IQSEC3: variants seen among roughly 807,000 people sequenced by gnomAD.
IQSEC3 encodes the protein IQ motif and SEC7 domain-containing protein 3.
A neutral mutation model predicts 105.4 loss-of-function variants in IQSEC3; 50 were observed. The ratio of observed to expected loss-of-function variants is 0.47; its 90% CI spans 0.38 to 0.60. IQSEC3 has a LOEUF of 0.60. Among genes scored for constraint, IQSEC3 ranks in the 20% least tolerant of loss-of-function variants. The probability of loss-of-function intolerance (pLI) is 0.00; values close to 1 mark genes in which losing one functional copy is unlikely to be tolerated. For missense variants in IQSEC3, 1,415 were observed against 1,630.0 expected (o/e 0.87, Z 2.27); for synonymous variants, 708 against 746.0 (o/e 0.95, Z 0.83).
intron 1 of IQSEC3, among the ~76,000 whole-genome samples, chr12:89,003 G>C (rs1171487897): frequency 6.6e-5 from 10 of 152,158 alleles, no homozygotes. Flanking sequence ...CCACAGTTCA[G>C]TAAAATAAAT....
chr12:130,609 A>T (rs1046141333), intron 3 of IQSEC3, among the ~76,000 whole-genome samples: 3 of 152,166 alleles, frequency 2.0e-5, no homozygotes, highest in Non-Finnish European at 4.4e-5. Flanking sequence ...GGAGGGTCTC[A>T]TGACCTCACT....
At chr12:173,819 G>C (rs1343863082) in intron 13 of IQSEC3, among the ~76,000 whole-genome samples, 1 of 152,168 alleles carries the variant, frequency 6.6e-6, no homozygotes, top group Admixed American at 6.5e-5. Flanking sequence ...GGGAGGCCAG[G>C]CTAGTCCATA....
Position 138,386 on chromosome 12 carries a change from G to T in IQSEC3, c.1023G>T (p.Ser341=). The T allele has an allele frequency of 6.2e-7, 1 of 1,611,392 alleles. No homozygotes were observed. The change falls in exon 4 of 14, where the codon TCG becomes TCT. Residue 341 remains serine, a synonymous_variant. Transcript: ENST00000538872. The surrounding 1 kb of genome is among the most constrained non-coding windows in gnomAD (Gnocchi z 7.1). The part of the protein sequence containing the change: ...LSKNFEKIRN[S]LLESRLPRRI... ...AGAACTTCGAGAAAATCCGCAACTC[G>T]CTTCTGGAGAGCCGCCTGCCACGGC...
Position 175,084 on chromosome 12 carries a change from T to G in IQSEC3, c.*51T>G. The G allele has an allele frequency of 7.3e-7, 1 of 1,370,126 alleles. No homozygotes were observed. The highest frequency in any genetic ancestry group is 9.7e-7 in the Non-Finnish European group (1 of 1,029,562). 84.9% of individuals were successfully genotyped at this position (1,370,126 alleles called of 1,614,324 possible). ...TGGGAGGGCTGGCCACTGGGGGGCC[T>G]GGGCTGCCCCTCCACTGCTCCCCAT... On this transcript the variant is annotated 3_prime_UTR_variant, in exon 14 of 14. Coordinates refer to ENST00000538872, the MANE Select transcript of IQSEC3 (RefSeq NM_001170738.2).
rs1865845798 is a variant in IQSEC3, at chr12:138,155, C to T, written c.904-112C>T. 8 of 975,932 alleles carry T rather than the reference C, an allele frequency of 8.2e-6. No homozygotes were observed. The East Asian group carries it at 1.3e-4, about 15-fold the overall frequency. 60.5% of individuals were successfully genotyped at this position (975,932 alleles called of 1,614,324 possible). On this transcript the variant is annotated intron_variant, in intron 3 of 13. Coordinates refer to ENST00000538872, the MANE Select transcript of IQSEC3 (RefSeq NM_001170738.2). This position sits in a 1 kb window ranked among gnomAD's most constrained non-coding sequence, Gnocchi z 7.1. Reference sequence around the variant, plus strand: ...CTGCCCAGGAGCGCCCCCCCGCCCCCGTCCATTCCTGGGCCCCACCCGAGT... The same window carrying T: ...CTGCCCAGGAGCGCCCCCCCGCCCCTGTCCATTCCTGGGCCCCACCCGAGT...
At chr12:137,037 A>G (rs1295357633) in intron 3 of IQSEC3, among the ~76,000 whole-genome samples, 1 of 152,062 alleles carries the variant, frequency 6.6e-6, no homozygotes, top group African/African-American at 2.4e-5. Context: ...CATGCCCCCG[A>G]GCCCACCCCA....
In IQSEC3 at chr12:175,374, G is replaced by C. The variant is rs145238801; in HGVS notation, c.*341G>C. 3.8e-4 allele frequency: 103 copies of C among 272,782 alleles called. No homozygotes were observed. Among genetic ancestry groups the C allele is most frequent in the African/African-American group, 1.8e-3 (84 of 45,496 alleles). 16.9% of individuals were successfully genotyped at this position (272,782 alleles called of 1,614,324 possible). A position where few individuals can be genotyped will look rare whatever the true frequency, so the allele number is the denominator to read the frequency against. ...AGGGTCTAACGAGCTTGCAGGCTTT[G>C]AGTCTGTTAGTGCCCGGGGCCTCGG... On this transcript the variant is annotated 3_prime_UTR_variant, in exon 14 of 14. Transcript: ENST00000538872.
intron 7 of IQSEC3, among the ~76,000 whole-genome samples, chr12:160,560 T>C (rs1328215387): frequency 6.6e-6 from 1 of 152,206 alleles, no homozygotes; most frequent in Non-Finnish European, 1.5e-5. Flanking sequence ...GAGTCCCGGC[T>C]TGGCTGGGTG....
intron 2 of IQSEC3, among the ~76,000 whole-genome samples, chr12:119,695 C>T (rs1057465700): frequency 6.6e-6 from 1 of 152,180 alleles, no homozygotes; most frequent in African/African-American, 2.4e-5. Flanking sequence ...CAGCAGCAGC[C>T]TTGGCCAATC....
intron 2 of IQSEC3, among the ~76,000 whole-genome samples, chr12:121,814 A>C (rs557329584): frequency 3.3e-5 from 5 of 152,242 alleles, no homozygotes; most frequent in African/African-American, 1.2e-4. Flanking sequence ...GTCACCCTGT[A>C]TTAGGGTCTA....
Position 116,477 on chromosome 12 carries a change from G to A in IQSEC3, c.624-9156G>A, listed in dbSNP as rs147296226. On this transcript the variant is annotated intron_variant, in intron 2 of 13. Coordinates refer to ENST00000538872, the MANE Select transcript of IQSEC3 (RefSeq NM_001170738.2). ...CTTTTGTGGTTCCTGATGGTCACCC[G>A]TGGTCCCTTTGGAACCTATTGCTTA... 1.3e-4 allele frequency among the ~76,000 whole-genome samples: 20 copies of A among 152,288 alleles called. 1 individual carries two copies. In the East Asian group the frequency reaches 3.3e-3, roughly 25 times the overall value.
At chr12:74,224 G>A (rs1863432844) in intron 1 of IQSEC3, among the ~76,000 whole-genome samples, 1 of 152,262 alleles carries the variant, frequency 6.6e-6, no homozygotes. Context: ...CCTAGGGATG[G>A]AAGGTAGACC....
chr12:76,835 G>A (rs1863551412), intron 1 of IQSEC3, among the ~76,000 whole-genome samples: 1 of 152,256 alleles, frequency 6.6e-6, no homozygotes, highest in Non-Finnish European at 1.5e-5. Context: ...AGGATATCTC[G>A]GCCTAGCTGT....
rs782020391 is a variant in IQSEC3 at position 139,577 on chromosome 12, G to GA, written c.1991+230dup. 1.1e-3 allele frequency: 470 copies of GA among 439,338 alleles called. 1 individual carries two copies. Among genetic ancestry groups the GA allele is most frequent in the Non-Finnish European group, 1.6e-3 (399 of 250,002 alleles). The allele number at this position is 439,338 out of a possible 1,614,324, so 27.2% of individuals were successfully genotyped here. On this transcript the variant is annotated intron_variant, in intron 4 of 13. Transcript: ENST00000538872. Reference sequence around the variant, plus strand: ...GAGTTTATTTTAAGAAAGATTAAAGGAAAAAAATAACACATCAGACACATG... The same window carrying GA: ...GAGTTTATTTTAAGAAAGATTAAAGGAAAAAAAATAACACATCAGACACATG...
intron 8 of IQSEC3, among the ~76,000 whole-genome samples, chr12:163,071 G>A (rs1247073961): frequency 6.6e-6 from 1 of 152,040 alleles, no homozygotes; most frequent in Non-Finnish European, 1.5e-5. Context: ...GAACGTGCGA[G>A]GGAAAGAGCC....
At chr12:71,689 C>A (rs1863325378) in intron 1 of IQSEC3, among the ~76,000 whole-genome samples, 1 of 152,292 alleles carries the variant, frequency 6.6e-6, no homozygotes, top group African/African-American at 2.4e-5. Flanking sequence ...TAAGTCCCTA[C>A]CCATGAGGCC....
chr12:159,503 T>C (rs1866812678), intron 7 of IQSEC3, among the ~76,000 whole-genome samples: 1 of 152,238 alleles, frequency 6.6e-6, no homozygotes, highest in African/African-American at 2.4e-5. Context: ...GTTGGGAGTT[T>C]GGCTGGGGAT....
At chr12:137,719 C>T (rs1412989488) in intron 3 of IQSEC3, 2 of 152,550 alleles carry the variant, frequency 1.3e-5, no homozygotes, top group African/African-American at 4.8e-5. Context: ...GTGGTACAAT[C>T]ATAGCTCACT....
At chr12:126,817 T>C (rs1212990599) in intron 3 of IQSEC3, among the ~76,000 whole-genome samples, 1 of 152,178 alleles carries the variant, frequency 6.6e-6, no homozygotes, top group Non-Finnish European at 1.5e-5. Context: ...TTCAACCCAA[T>C]AGGCAAGGTA....
Sources: gnomAD v4.1 joint callset for allele counts (sites outside exome capture counted in the v4.1 genomes callset) on GRCh38, gnomAD v4.1.1 for gene constraint, Gnocchi (gnomAD v3.1) non-coding constraint, MANE v1.5 for transcripts, NCBI Gene and HGNC (gene_info 2026-07-23, HGNC 2026-07-21) for gene names.